The following GPHN variants were observed in gnomAD, a reference collection of about 807,000 sequenced individuals.
GPHN encodes gephyrin.
In GPHN, 17 loss-of-function variants were observed where a neutral mutation model predicts 95.5. The ratio of observed to expected loss-of-function variants is 0.18; its 90% CI spans 0.12 to 0.27. The LOEUF (loss-of-function observed/expected upper bound fraction) is 0.27, where lower values mean the gene tolerates loss of function less well. Ranked by LOEUF, GPHN falls within the 10% of genes least tolerant of loss-of-function variation. The pLI, the probability that GPHN is intolerant of heterozygous loss-of-function variation, is 1.00. For synonymous variants in GPHN, 320 were observed against 322.5 expected, an observed-to-expected ratio of 0.99 and a Z score of 0.08; for missense variants, 660 against 978.1, an observed-to-expected ratio of 0.67 and a Z score of 4.34.
At chr14:66,851,518 GTGT>G (rs750159306) in intron 4 of GPHN, among the ~76,000 whole-genome samples, 1 of 152,036 alleles carries the variant, frequency 6.6e-6, no homozygotes, top group African/African-American at 2.4e-5. Context: ...ATTTCATGTA[GTGT>G]TGTTCATTCT....
At chr14:67,438,088 C>T in the GPHN span, among the ~76,000 whole-genome samples, 1 of 152,116 alleles carries the variant, frequency 6.6e-6, no homozygotes, top group Non-Finnish European at 1.5e-5. Flanking sequence ...CCAGCTGTCA[C>T]CCCCCTCCCA....
chr14:66,929,443 C>T (rs966295556), intron 8 of GPHN, among the ~76,000 whole-genome samples: 29 of 152,220 alleles, frequency 1.9e-4, no homozygotes, highest in African/African-American at 6.0e-4. Context: ...GTCTGTCTCT[C>T]TCTTTAGTTC....
intron 1 of GPHN, among the ~76,000 whole-genome samples, chr14:66,613,953 T>C (rs1372201830): frequency 6.6e-6 from 1 of 152,182 alleles, no homozygotes; most frequent in Non-Finnish European, 1.5e-5. Context: ...GTAGCACTCA[T>C]TTGATTTTTC....
intron 11 of GPHN, among the ~76,000 whole-genome samples, chr14:67,067,460 G>A (rs1169114666): frequency 3.9e-5 from 6 of 152,186 alleles, no homozygotes; most frequent in Non-Finnish European, 5.9e-5. Context: ...CAAACGACGT[G>A]CTGGTAGAAC....
intron 1 of GPHN, among the ~76,000 whole-genome samples, chr14:66,637,339 T>A (rs2064154855): frequency 6.6e-6 from 1 of 152,162 alleles, no homozygotes; most frequent in Non-Finnish European, 1.5e-5. Flanking sequence ...AATTTTTATA[T>A]CTTTCCACCT....
the GPHN span, among the ~76,000 whole-genome samples, chr14:67,191,396 G>A: frequency 0.013 from 1,955 of 152,290 alleles, 47 homozygotes; most frequent in African/African-American, 0.045. Flanking sequence ...ATGGTCAACA[G>A]GAAACATTTG....
At chr14:66,916,524 GT>G (rs1379768052) in intron 6 of GPHN, among the ~76,000 whole-genome samples, 17 of 38,040 alleles carry the variant, frequency 4.5e-4, no homozygotes, top group African/African-American at 1.6e-3. Flanking sequence ...GTTTTGTTTT[GT>G]TTTTTTTGCA....
intron 4 of GPHN, chr14:66,842,736 C>T: frequency 6.7e-7 from 1 of 1,496,220 alleles, no homozygotes; most frequent in South Asian, 1.2e-5. Flanking sequence ...GACTTCAATC[C>T]CAGCCAATCA....
At chr14:66,622,276 A>C (rs904356582) in intron 1 of GPHN, among the ~76,000 whole-genome samples, 1 of 152,030 alleles carries the variant, frequency 6.6e-6, no homozygotes, top group Admixed American at 6.6e-5. Flanking sequence ...AGCAGCTGGG[A>C]TGCAGGGCAC....
chr14:66,665,601 C>G (rs1595463343), intron 1 of GPHN, among the ~76,000 whole-genome samples: 1 of 152,148 alleles, frequency 6.6e-6, no homozygotes, highest in African/African-American at 2.4e-5. Flanking sequence ...CAGGAAACAA[C>G]AAGTGCTGGA....
At chr14:67,190,336 G>C in the GPHN span, among the ~76,000 whole-genome samples, 3 of 151,154 alleles carry the variant, frequency 2.0e-5, no homozygotes, top group African/African-American at 7.3e-5. Flanking sequence ...CCATTCTCGT[G>C]CCTCAGCCTC....
At chr14:66,874,343 T>A (rs1471388728) in intron 4 of GPHN, among the ~76,000 whole-genome samples, 1 of 152,028 alleles carries the variant, frequency 6.6e-6, no homozygotes, top group East Asian at 1.9e-4. Context: ...CCAGAACACA[T>A]CTTCTCTTCC....
the GPHN span, chr14:67,586,861 A>G: frequency 6.6e-7 from 1 of 1,510,604 alleles, no homozygotes. Flanking sequence ...GGCACTGTGC[A>G]TCTGAGAGGA....
the GPHN span, among the ~76,000 whole-genome samples, chr14:67,553,307 T>C: frequency 6.6e-5 from 10 of 152,314 alleles, no homozygotes; most frequent in Admixed American, 6.5e-4. Flanking sequence ...TCCCGTTCAG[T>C]ATTTCATTTT....
chr14:66,797,928 T>C (rs530364673), intron 3 of GPHN, among the ~76,000 whole-genome samples: 1 of 152,108 alleles, frequency 6.6e-6, no homozygotes, highest in South Asian at 2.1e-4. Context: ...GCTTTCAGTT[T>C]TTCCCCATTC....
chr14:67,466,383 A>G, the GPHN span, among the ~76,000 whole-genome samples: 4 of 152,374 alleles, frequency 2.6e-5, no homozygotes, highest in African/African-American at 9.6e-5. Flanking sequence ...GGAAGACTCT[A>G]AGAGGGAAAT....
chr14:67,123,756 T>A (rs2079138137), intron 17 of GPHN, among the ~76,000 whole-genome samples: 1 of 152,200 alleles, frequency 6.6e-6, no homozygotes, highest in African/African-American at 2.4e-5. Flanking sequence ...GCTTTGAATG[T>A]AGCCCAACAC....
In GPHN at chr14:67,070,713, A is replaced by AT. The variant is rs1392804155; in HGVS notation, c.1144+11927_1144+11928insT. 4.1e-3 allele frequency among the ~76,000 whole-genome samples: 344 copies of AT among 84,826 alleles called. 1 individual carries two copies. Among genetic ancestry groups the AT allele is most frequent in the South Asian group, 0.017 (42 of 2,488 alleles). 55.6% of individuals were successfully genotyped at this position (84,826 alleles called of 152,430 possible). On this transcript the variant is annotated intron_variant, in intron 11 of 22. Transcript: ENST00000478722. ...TCATCTCAAAAAAAAAAAAAAAAAAAAAATATATATATATATCCAATCAGC... is the reference window on the plus strand; with the variant it reads ...TCATCTCAAAAAAAAAAAAAAAAAAATAAATATATATATATATCCAATCAGC...
At chr14:66,545,228 C>T (rs1434475603) in intron 1 of GPHN, among the ~76,000 whole-genome samples, 15 of 149,498 alleles carry the variant, frequency 1.0e-4, no homozygotes, top group African/African-American at 3.7e-4. Context: ...CACCTCCCTC[C>T]CGGACGGGGC....
Sources: gnomAD v4.1 joint callset for allele counts (sites outside exome capture counted in the v4.1 genomes callset) on GRCh38, gnomAD v4.1.1 for gene constraint, MANE v1.5 for transcripts, NCBI Gene and HGNC (gene_info 2026-07-23, HGNC 2026-07-21) for gene names.